The following ARL6 variants were observed in gnomAD, a reference collection of about 807,000 sequenced individuals.
ARL6 encodes ADP-ribosylation factor-like protein 6.
A neutral mutation model predicts 27.1 loss-of-function variants in ARL6; 18 were observed. The ratio of observed to expected loss-of-function variants is 0.66; its 90% confidence interval spans 0.46 to 0.98. The LOEUF is 0.98. ARL6 is among the 50% of genes least tolerant of loss of function. ARL6 has a pLI of 0.00. For missense variants in ARL6, 187 were observed against 214.9 expected (o/e 0.87, Z 0.81); for synonymous variants, 65 against 72.3 (o/e 0.90, Z 0.51).
chr3:97,779,362 C>T (rs1407131515), intron 2 of ARL6, among the ~76,000 whole-genome samples: 1 of 152,166 alleles, frequency 6.6e-6, no homozygotes, highest in Non-Finnish European at 1.5e-5. Context: ...ATGGCCCCTA[C>T]TCAGAGAGAC....
chr3:97,778,606 G>A (rs974222783), intron 2 of ARL6, among the ~76,000 whole-genome samples: 1 of 152,062 alleles, frequency 6.6e-6, no homozygotes, highest in Non-Finnish European at 1.5e-5. Flanking sequence ...AATATGGGAA[G>A]AATTGGGGAA....
chr3:97,776,903 C>T (rs1191436630), intron 2 of ARL6, among the ~76,000 whole-genome samples: 2 of 152,224 alleles, frequency 1.3e-5, no homozygotes, highest in Admixed American at 1.3e-4. Flanking sequence ...AGGTGACCTA[C>T]CCGCCTTGCC....
intron 4 of ARL6, among the ~76,000 whole-genome samples, 200 bp from the exon 5 acceptor site, chr3:97,784,755 G>A (rs1230312408): frequency 6.6e-6 from 1 of 151,586 alleles, no homozygotes; most frequent in Non-Finnish European, 1.5e-5. Flanking sequence ...AAATGAAAAG[G>A]TATTTTACAT....
rs1194617580 is a variant in ARL6 at position 97,776,905 on chromosome 3, C to T, written c.124-3254C>T. On this transcript the variant is annotated intron_variant, in intron 2 of 7. Transcript: ENST00000463745. ...AACTCATAACTTGAGGTGACCTACC[C>T]GCCTTGCCCTCCCAAAGTGCTGGGA... 2.6e-5 allele frequency among the ~76,000 whole-genome samples: 4 copies of T among 152,192 alleles called. 1 individual carries two copies. Among genetic ancestry groups the T allele is most frequent in the East Asian group, 1.9e-4 (1 of 5,190 alleles).
intron 5 of ARL6, among the ~76,000 whole-genome samples, chr3:97,785,487 CATAT>C (rs5851081): frequency 4.7e-4 from 68 of 145,588 alleles, no homozygotes; most frequent in Middle Eastern, 3.6e-3. Context: ...CATATTTATT[CATAT>C]ATATATATAT....
intron 7 of ARL6, among the ~76,000 whole-genome samples, chr3:97,795,895 A>G (rs1469604472): frequency 6.6e-6 from 1 of 152,224 alleles, no homozygotes; most frequent in African/African-American, 2.4e-5. Flanking sequence ...GCTGAATATT[A>G]TAACTCTCTT....
intron 2 of ARL6, among the ~76,000 whole-genome samples, chr3:97,774,571 G>A (rs917247389): frequency 2.0e-5 from 3 of 152,156 alleles, no homozygotes; most frequent in African/African-American, 4.8e-5. Flanking sequence ...GTTCATCAGA[G>A]TTTACAAGCT....
intron 2 of ARL6, among the ~76,000 whole-genome samples, chr3:97,769,212 T>C (rs909849257): frequency 1.3e-5 from 2 of 152,130 alleles, no homozygotes; most frequent in Non-Finnish European, 1.5e-5. Context: ...TTAAGCTATC[T>C]TTATGTTTAT....
At position 97,798,072 on chromosome 3, in the gene ARL6, A is replaced by T. The variant is rs1392282916; in HGVS notation, c.*23A>T. 6.2e-7 allele frequency: 1 copy of T among 1,609,662 alleles called. No individual in the cohort carries two copies. The highest frequency in any genetic ancestry group is 1.7e-4 in the Middle Eastern group (1 of 6,048). ...TGAAAAGATAATAGTTGGAAACCTCAGCAATTTTCAATTCAAGGAATCTAT... is the reference window on the plus strand; with the variant it reads ...TGAAAAGATAATAGTTGGAAACCTCTGCAATTTTCAATTCAAGGAATCTAT... On this transcript the variant is annotated 3_prime_UTR_variant, in exon 8 of 8. Transcript: ENST00000463745.
chr3:97,789,471 C>T (rs1382727527), intron 6 of ARL6, among the ~76,000 whole-genome samples: 1 of 152,040 alleles, frequency 6.6e-6, no homozygotes. Context: ...ACCATCTTTT[C>T]TACTTAAAAT....
chr3:97,781,037 A>G (rs1005590205), intron 4 of ARL6, among the ~76,000 whole-genome samples: 4 of 152,082 alleles, frequency 2.6e-5, no homozygotes, highest in Non-Finnish European at 1.5e-5. Flanking sequence ...TTCACCTGGC[A>G]CTTTGTCCAT....
intron 1 of ARL6, chr3:97,765,964 T>A (rs1271895324): frequency 6.6e-6 from 1 of 152,232 alleles, no homozygotes; most frequent in Non-Finnish European, 1.5e-5. Context: ...ATAAAGCAAT[T>A]TCAATAAATG....
chr3:97,791,812 T>C lies in ARL6; in HGVS notation c.521T>C (p.Val174Ala). Reference sequence around the variant, plus strand: ...AAAGGAGAAGGCTTGCAAGAAGGTGTAGACTGGCTTCAAGGTACATTACAA... The same window carrying C: ...AAAGGAGAAGGCTTGCAAGAAGGTGCAGACTGGCTTCAAGGTACATTACAA... The part of the protein sequence containing the change: ...AIKGEGLQEG[V>A]DWLQDQIQTV... Residue 174 changes from valine (V) to alanine (A), a missense_variant, in exon 7 of 8, where the codon GTA becomes GCA. By Grantham distance (64) the Val-to-Ala change is moderately conservative. Coordinates refer to ENST00000463745, the MANE Select transcript of ARL6 (RefSeq NM_001278293.3). 6.2e-7 allele frequency: 1 copy of C among 1,613,682 alleles called. No homozygotes were observed.
Position 97,798,882 on chromosome 3 carries a change from C to T in ARL6, c.*833C>T, listed in dbSNP as rs2038124589. 6.6e-6 allele frequency: 1 copy of T among 152,020 alleles called. No individual in the cohort carries two copies. The highest frequency in any genetic ancestry group is 1.5e-5 in the Non-Finnish European group (1 of 67,918). The allele number at this position is 152,020 out of a possible 1,614,324, so 9.4% of individuals were successfully genotyped here. A position where few individuals can be genotyped will look rare whatever the true frequency, so the allele number is the denominator to read the frequency against. On this transcript the variant is annotated 3_prime_UTR_variant, in exon 8 of 8. Transcript: ENST00000463745. Reference sequence around the variant, plus strand: ...AATTAATATTTGACTGTTCAGTAATCATTACTGACATCTTGTTTTTCACTT... The same window carrying T: ...AATTAATATTTGACTGTTCAGTAATTATTACTGACATCTTGTTTTTCACTT...
chr3:97,769,971 T>G (rs78882953), intron 2 of ARL6, among the ~76,000 whole-genome samples: 3 of 152,178 alleles, frequency 2.0e-5, no homozygotes, highest in Non-Finnish European at 2.9e-5. Context: ...TCTTGGCTAT[T>G]GTGAATAGTG....
chr3:97,784,900 C>T, intron 4 of ARL6, 55 bp from the exon 5 acceptor site: 1 of 1,311,140 alleles, frequency 7.6e-7, no homozygotes, highest in Admixed American at 1.7e-5. Flanking sequence ...GGATAATAAA[C>T]ATGGAAAAAT....
chr3:97,796,230 T>C (rs2037993272), intron 7 of ARL6, among the ~76,000 whole-genome samples: 1 of 152,062 alleles, frequency 6.6e-6, no homozygotes. Flanking sequence ...GTAGAATTTA[T>C]ATAGAGAGAA....
intron 2 of ARL6, among the ~76,000 whole-genome samples, chr3:97,769,123 G>T (rs1021024562): frequency 3.3e-5 from 5 of 152,076 alleles, no homozygotes; most frequent in African/African-American, 1.2e-4. Context: ...TCATTTTATA[G>T]TAAAATTGTC....
intron 4 of ARL6, among the ~76,000 whole-genome samples, chr3:97,784,313 T>C (rs1433949690): frequency 6.6e-6 from 1 of 151,824 alleles, no homozygotes; most frequent in East Asian, 1.9e-4. Flanking sequence ...TTTTAAAAAA[T>C]CAAATAGAAT....
Sources: gnomAD v4.1 joint callset for allele counts (sites outside exome capture counted in the v4.1 genomes callset) on GRCh38, gnomAD v4.1.1 for gene constraint, MANE v1.5 for transcripts, NCBI Gene and HGNC (gene_info 2026-07-23, HGNC 2026-07-21) for gene names.